The following WDR41 variants were observed in gnomAD, a reference collection of about 807,000 sequenced individuals.
The protein encoded by WDR41 is WD repeat-containing protein 41.
WDR41 carries 63 observed loss-of-function variants against 69.3 expected under a neutral mutation model. That is an observed-to-expected ratio of 0.91 (90% CI 0.74 to 1.12). The LOEUF is 1.12. Ranked by LOEUF, WDR41 falls within the 50% of genes most tolerant of loss-of-function variation. The pLI is 0.00. For synonymous variants in WDR41, 185 were observed against 192.1 expected (o/e 0.96, Z 0.31); for missense variants, 543 against 534.5 (o/e 1.02, Z -0.16).
chr5:77,545,971 C>T (rs1051608965), intron 1 of WDR41: 1 of 485,286 alleles, frequency 2.1e-6, no homozygotes, highest in African/African-American at 2.0e-5. Flanking sequence ...CTGGTGACCT[C>T]ATCCCTGTGC....
chr5:77,500,995 G>A (rs1369870416), intron 1 of WDR41, among the ~76,000 whole-genome samples: 2 of 152,234 alleles, frequency 1.3e-5, no homozygotes, highest in African/African-American at 4.8e-5. Flanking sequence ...TTCCAAATGA[G>A]GTACCTGGTT....
intron 2 of WDR41, among the ~76,000 whole-genome samples, chr5:77,469,624 C>A (rs1192635604): frequency 6.6e-6 from 1 of 151,952 alleles, no homozygotes; most frequent in African/African-American, 2.4e-5. Flanking sequence ...TAATCACTGC[C>A]TGAAGTCATT....
chr5:77,495,139 T>G (rs942828354), upstream of WDR41, among the ~76,000 whole-genome samples: 3 of 151,972 alleles, frequency 2.0e-5, no homozygotes, highest in African/African-American at 7.2e-5. Context: ...AAGCAGTACT[T>G]AAAGGGAAAT....
chr5:77,481,818 C>G (rs1055375220), intron 2 of WDR41, among the ~76,000 whole-genome samples: 7 of 146,384 alleles, frequency 4.8e-5, no homozygotes, highest in Non-Finnish European at 1.0e-4. Flanking sequence ...AGAGCCATAT[C>G]TGGTAATCCA....
intron 1 of WDR41, among the ~76,000 whole-genome samples, chr5:77,603,190 C>A (rs1310704580): frequency 1.3e-5 from 2 of 152,304 alleles, no homozygotes; most frequent in African/African-American, 4.8e-5. Context: ...CCTGCCTTGG[C>A]CTCCCAAAGT....
intron 8 of WDR41, among the ~76,000 whole-genome samples, chr5:77,442,220 A>G (rs1799193025): frequency 6.6e-6 from 1 of 152,250 alleles, no homozygotes; most frequent in African/African-American, 2.4e-5. Flanking sequence ...ATAAATGTAC[A>G]AGGTTGTTAC....
At chr5:77,604,209 T>C (rs531870825) in intron 1 of WDR41, among the ~76,000 whole-genome samples, 4 of 152,340 alleles carry the variant, frequency 2.6e-5, no homozygotes, top group African/African-American at 9.6e-5. Context: ...TCCATAACTG[T>C]GGGATGTCTT....
At chr5:77,616,821 G>C (rs958731559) in intron 1 of WDR41, among the ~76,000 whole-genome samples, 1 of 152,156 alleles carries the variant, frequency 6.6e-6, no homozygotes, top group African/African-American at 2.4e-5. Context: ...AGCAAGCACA[G>C]AAATATCAGA....
In WDR41 at chr5:77,433,025, A is replaced by T. The variant is rs1798786015; in HGVS notation, c.*110T>A. 7.9e-7 allele frequency: 1 copy of T among 1,268,504 alleles called. No individual in the cohort carries two copies. Among genetic ancestry groups the T allele is most frequent in the Non-Finnish European group, 1.1e-6 (1 of 941,036 alleles). The allele number at this position is 1,268,504 out of a possible 1,614,324, so 78.6% of individuals were successfully genotyped here. On this transcript the variant is annotated 3_prime_UTR_variant, in exon 13 of 13. Transcript: ENST00000296679. Reference sequence around the variant, plus strand: ...AATTTAAACATGTAGAATTTTATGGACTGACAAAAAAAATTACCAATTTAA... The same window carrying T: ...AATTTAAACATGTAGAATTTTATGGTCTGACAAAAAAAATTACCAATTTAA...
rs1217875079 is a variant in WDR41 at position 77,440,793 on chromosome 5, A to G, written c.882+20T>C. The G allele has an allele frequency of 3.7e-6, 6 of 1,612,030 alleles. No homozygotes were observed. Among genetic ancestry groups the G allele is most frequent in the Non-Finnish European group, 5.1e-6 (6 of 1,178,516 alleles). On this transcript the variant is annotated intron_variant, in intron 9 of 12. Transcript: ENST00000296679. ...ATATATGTCAAAGGCAAGTTTATAG[A>G]TAGTGTATACATTTTTTACCTCTTC... is the stretch of plus-strand genomic sequence containing the variant.
chr5:77,522,320 A>G (rs1802382784), intron 1 of WDR41, among the ~76,000 whole-genome samples: 2 of 152,192 alleles, frequency 1.3e-5, no homozygotes, highest in South Asian at 4.1e-4. Context: ...AGCCCCAAAG[A>G]ATGCCAGGGA....
At chr5:77,549,184 A>C (rs12522819) in intron 1 of WDR41, among the ~76,000 whole-genome samples, 2 of 152,174 alleles carry the variant, frequency 1.3e-5, no homozygotes, top group Non-Finnish European at 2.9e-5. Flanking sequence ...GGTGCAGTGT[A>C]TACTGCCTGG....
chr5:77,467,147 A>T (rs931246658), intron 2 of WDR41, among the ~76,000 whole-genome samples: 5 of 151,874 alleles, frequency 3.3e-5, no homozygotes, highest in African/African-American at 7.2e-5. Context: ...ACTATAAAAT[A>T]AAAAAAGGAT....
chr5:77,620,044 T>C (rs1262015114), intron 1 of WDR41, among the ~76,000 whole-genome samples: 1 of 152,138 alleles, frequency 6.6e-6, no homozygotes, highest in East Asian at 1.9e-4. Flanking sequence ...ATATATATAA[T>C]ATACAGTGTA....
chr5:77,556,675 C>A (rs2112250289), intron 1 of WDR41, among the ~76,000 whole-genome samples: 1 of 152,150 alleles, frequency 6.6e-6, no homozygotes, highest in Admixed American at 6.5e-5. Context: ...TGTGGTTGCC[C>A]CATGAAAGGT....
At chr5:77,472,545 C>T (rs930733959) in intron 2 of WDR41, among the ~76,000 whole-genome samples, 2 of 152,082 alleles carry the variant, frequency 1.3e-5, no homozygotes, top group African/African-American at 4.8e-5. Context: ...AGCCCAAAAC[C>T]TCCTTAAGCT....
intron 3 of WDR41, among the ~76,000 whole-genome samples, chr5:77,464,273 A>ATTTTTTTTTTTTTTTTTTTT (rs772388660): frequency 1.0e-5 from 1 of 95,484 alleles, no homozygotes. Flanking sequence ...TTAGGAAAAA[A>ATTTTTTTTTTTTTTTTTTTT]CTTTTTTTTT....
chr5:77,588,396 A>G (rs111428382), intron 1 of WDR41, among the ~76,000 whole-genome samples: 3,365 of 152,332 alleles, frequency 0.022, 115 homozygotes, highest in African/African-American at 0.067. Context: ...ATTTTTTACA[A>G]AATGTATTGC....
chr5:77,460,879 T>G (rs1184605401), intron 4 of WDR41, among the ~76,000 whole-genome samples: 1 of 152,164 alleles, frequency 6.6e-6, no homozygotes, highest in African/African-American at 2.4e-5. Context: ...ATTTTCAGAT[T>G]AGGGATGCTC....
Sources: gnomAD v4.1 joint callset for allele counts (sites outside exome capture counted in the v4.1 genomes callset) on GRCh38, gnomAD v4.1.1 for gene constraint, MANE v1.5 for transcripts, NCBI Gene and HGNC (gene_info 2026-07-23, HGNC 2026-07-21) for gene names.